The following SOX5 variants were observed in gnomAD, a reference collection of about 807,000 sequenced individuals.
SOX5 encodes the protein transcription factor SOX-5.
SOX5 carries 9 observed loss-of-function variants against 92.0 expected under a neutral mutation model. That is an observed-to-expected ratio of 0.10 (90% CI 0.06 to 0.17). The LOEUF is 0.17. SOX5 is among the 10% of genes least tolerant of loss of function. The pLI is 1.00. For synonymous variants in SOX5, 344 were observed against 336.3 expected, an observed-to-expected ratio of 1.02 and a Z score of -0.25; for missense variants, 642 against 944.5, an observed-to-expected ratio of 0.68 and a Z score of 4.20.
intron 3 of SOX5, among the ~76,000 whole-genome samples, chr12:24,239,077 A>C (rs1021498595): frequency 6.6e-6 from 1 of 152,240 alleles, no homozygotes; most frequent in African/African-American, 2.4e-5. Flanking sequence ...TGAGACAAAA[A>C]GGTAACAACC....
chr12:23,853,869 G>C (rs1008233226), intron 2 of SOX5, among the ~76,000 whole-genome samples: 2 of 152,032 alleles, frequency 1.3e-5, no homozygotes, highest in African/African-American at 4.8e-5. Context: ...CCCTGAGTGA[G>C]CAAAGACCAA....
chr12:24,498,342 G>A (rs958692160), intron 1 of SOX5, among the ~76,000 whole-genome samples: 20 of 152,096 alleles, frequency 1.3e-4, no homozygotes, highest in African/African-American at 4.3e-4. Context: ...TCAGTGATAG[G>A]ACTGAGTTTC....
chr12:23,916,128 T>G (rs1428885065), intron 1 of SOX5, among the ~76,000 whole-genome samples: 1 of 152,194 alleles, frequency 6.6e-6, no homozygotes, highest in African/African-American at 2.4e-5. Flanking sequence ...TCCTTTTCAA[T>G]CTATGTAGCT....
chr12:24,352,282 C>G (rs2141176527), intron 2 of SOX5, among the ~76,000 whole-genome samples: 1 of 152,262 alleles, frequency 6.6e-6, no homozygotes, highest in Middle Eastern at 3.4e-3. Flanking sequence ...ATAACGAGTT[C>G]TCTCTACTTG....
Position 23,599,423 on chromosome 12 carries a change from G to A in SOX5, c.1164+4964C>T, listed in dbSNP as rs770760794. ...TTCGAAAAGAACAAAAAATTGATTC[G>A]GACAATCTGTGTGCTCTTGCCATTG... On this transcript the variant is annotated intron_variant, in intron 9 of 14. Coordinates refer to ENST00000451604, the MANE Select transcript of SOX5 (RefSeq NM_006940.6). Among the ~76,000 whole-genome samples the A allele has an allele frequency of 3.9e-5, 6 of 152,188 alleles. No homozygotes were observed. The East Asian group carries it at 7.7e-4, about 20-fold the overall frequency.
intron 2 of SOX5, among the ~76,000 whole-genome samples, chr12:24,308,394 A>C (rs1457103526): frequency 6.6e-6 from 1 of 152,220 alleles, no homozygotes; most frequent in Non-Finnish European, 1.5e-5. Flanking sequence ...TTCCAAGTGT[A>C]CTTTACTTTG....
At chr12:23,760,989 AG>A (rs1481782236) in intron 3 of SOX5, among the ~76,000 whole-genome samples, 1 of 152,182 alleles carries the variant, frequency 6.6e-6, no homozygotes, top group Non-Finnish European at 1.5e-5. Context: ...CACAGGAGTT[AG>A]GTTATACCAA....
At chr12:23,757,986 C>T (rs923818698) in intron 3 of SOX5, among the ~76,000 whole-genome samples, 5 of 100,544 alleles carry the variant, frequency 5.0e-5, no homozygotes, top group Non-Finnish European at 8.9e-5. Context: ...TGTTCAAGTA[C>T]TTGACTTTTA....
rs537445331 is a variant in SOX5 at position 24,129,738 on chromosome 12, T to C, written c.-2+83605A>G. Among the ~76,000 whole-genome samples, 17 of 152,342 alleles carry C rather than the reference T, an allele frequency of 1.1e-4. No homozygotes were observed. The South Asian group carries it at 2.1e-3, about 19-fold the overall frequency. On this transcript the variant is annotated intron_variant, in intron 4 of 4. Coordinates refer to the SOX5 transcript ENST00000446891. ...CTGAAATCAAACTAGTTTATCTCAC[T>C]ACAACTGGGAGTCCTAACTTATATC...
chr12:23,988,865 A>G (rs994193399), intron 4 of SOX5, among the ~76,000 whole-genome samples: 6 of 152,186 alleles, frequency 3.9e-5, no homozygotes, highest in African/African-American at 1.2e-4. Flanking sequence ...GGAGCAATAC[A>G]GAGTCTCTTT....
chr12:24,146,464 T>C (rs1951092756), intron 4 of SOX5, among the ~76,000 whole-genome samples: 2 of 152,214 alleles, frequency 1.3e-5, no homozygotes, highest in Non-Finnish European at 2.9e-5. Flanking sequence ...TGTCAATAGA[T>C]GTGAGATCCT....
chr12:23,638,422 T>C (rs1342601925), intron 8 of SOX5: 1 of 152,198 alleles, frequency 6.6e-6, no homozygotes, highest in East Asian at 1.9e-4. Context: ...CTACTCAAGA[T>C]ATTAAGATAT....
chr12:24,300,274 T>G (rs541865132), intron 2 of SOX5, among the ~76,000 whole-genome samples: 1 of 152,316 alleles, frequency 6.6e-6, no homozygotes, highest in South Asian at 2.1e-4. Context: ...AGACCCTACA[T>G]TTAAGAATTA....
chr12:24,087,152 T>C (rs1202363145), intron 4 of SOX5, among the ~76,000 whole-genome samples: 1 of 152,024 alleles, frequency 6.6e-6, no homozygotes, highest in African/African-American at 2.4e-5. Flanking sequence ...AATTATCAAG[T>C]GTGTGTTCTC....
intron 4 of SOX5, among the ~76,000 whole-genome samples, chr12:23,960,530 C>CAT (rs60925174): frequency 4.2e-4 from 57 of 137,130 alleles, no homozygotes; most frequent in Middle Eastern, 3.6e-3. Context: ...TATATATATA[C>CAT]ATATATATAT....
chr12:24,412,804 G>C (rs1381876944), intron 1 of SOX5, among the ~76,000 whole-genome samples: 2 of 149,774 alleles, frequency 1.3e-5, no homozygotes, highest in Non-Finnish European at 3.0e-5. Flanking sequence ...TTTTGAGAGG[G>C]AGTGCAGTGG....
At chr12:23,903,220 T>C (rs958742442) in intron 1 of SOX5, among the ~76,000 whole-genome samples, 4 of 152,168 alleles carry the variant, frequency 2.6e-5, no homozygotes, top group African/African-American at 7.2e-5. Context: ...AGATAGATAA[T>C]AGATGATATC....
At chr12:24,022,676 T>C (rs993638077) in intron 4 of SOX5, among the ~76,000 whole-genome samples, 1 of 152,094 alleles carries the variant, frequency 6.6e-6, no homozygotes, top group African/African-American at 2.4e-5. Context: ...CAGTTTTATA[T>C]TACTGCTCCA....
At chr12:24,235,655 A>G (rs1268429820) in intron 3 of SOX5, among the ~76,000 whole-genome samples, 1 of 152,244 alleles carries the variant, frequency 6.6e-6, no homozygotes, top group Admixed American at 6.5e-5. Context: ...ATGCTTTATT[A>G]TATGAACTTA....
Sources: allele counts gnomAD v4.1 joint callset (sites outside exome capture counted in the v4.1 genomes callset), GRCh38; gene constraint gnomAD v4.1.1; transcripts MANE v1.5; gene names NCBI Gene and HGNC (gene_info 2026-07-23, HGNC 2026-07-21).